The following IRS1 variants were observed in gnomAD, a reference collection of about 807,000 sequenced individuals.
IRS1 encodes insulin receptor substrate 1.
A neutral mutation model predicts 65.6 loss-of-function variants in IRS1; 34 were observed. The observed-to-expected ratio is 0.52, with a 90% CI of 0.39 to 0.69. The LOEUF (loss-of-function observed/expected upper bound fraction) is 0.69. Among genes scored for constraint, IRS1 ranks in the 30% least tolerant of loss-of-function variants. The pLI, the probability that IRS1 is intolerant of heterozygous loss-of-function variation, is 0.00. For synonymous variants in IRS1, 699 were observed against 683.5 expected (o/e 1.02, Z -0.35); for missense variants, 1,641 against 1,720.2 (o/e 0.95, Z 0.81).
chr2:226,786,590 A>G (rs533038847), intron 1 of IRS1, among the ~76,000 whole-genome samples: 4 of 151,634 alleles, frequency 2.6e-5, no homozygotes, highest in Non-Finnish European at 5.9e-5. Context: ...GGCCTATGAG[A>G]AACTGGGGAC....
chr2:226,771,313 C>T (rs1239652698), intron 1 of IRS1, among the ~76,000 whole-genome samples: 3 of 152,070 alleles, frequency 2.0e-5, no homozygotes, highest in African/African-American at 4.8e-5. Flanking sequence ...TGGTATCAGC[C>T]GGCTGTCCGG....
chr2:226,739,154 G>C (rs1194064978), intron 1 of IRS1, among the ~76,000 whole-genome samples: 1 of 152,158 alleles, frequency 6.6e-6, no homozygotes, highest in Non-Finnish European at 1.5e-5. Context: ...CAAGTGCATC[G>C]ACACCTTCCT....
chr2:226,767,903 G>A (rs1939086887), intron 1 of IRS1, among the ~76,000 whole-genome samples: 1 of 152,116 alleles, frequency 6.6e-6, no homozygotes, highest in Non-Finnish European at 1.5e-5. Context: ...TAGTAACATG[G>A]TGAGTGGTCC....
At chr2:226,765,662 G>A in intron 1 of IRS1, among the ~76,000 whole-genome samples, 1 of 152,116 alleles carries the variant, frequency 6.6e-6, no homozygotes, top group Non-Finnish European at 1.5e-5. Context: ...GGAGCAACGA[G>A]AAAACTCCAG....
At chr2:226,766,164 T>TATATATATATATATATATATATATATA (rs1553531258) in intron 1 of IRS1, among the ~76,000 whole-genome samples, 1 of 4,322 alleles carries the variant, frequency 2.3e-4, no homozygotes, top group African/African-American at 6.9e-4. Flanking sequence ...TATATATATA[T>TATATATATATATATATATATATATATA]TTTTTTTTTT....
chr2:226,742,160 C>T (rs966050906), intron 1 of IRS1, among the ~76,000 whole-genome samples: 7 of 152,150 alleles, frequency 4.6e-5, no homozygotes, highest in East Asian at 1.9e-4. Context: ...ATAATCTCCC[C>T]GTTCTTTACA....
intron 1 of IRS1, among the ~76,000 whole-genome samples, chr2:226,773,559 T>A (rs1408629867): frequency 2.6e-5 from 4 of 151,920 alleles, no homozygotes; most frequent in African/African-American, 9.7e-5. Flanking sequence ...TCAATGTCTG[T>A]GTTTTTAAAA....
chr2:226,798,845 G>T lies in IRS1; in HGVS notation c.-107C>A, dbSNP rs930122251. Reference sequence around the variant, plus strand: ...CCCGGCACATGCAAACAGGGCTGGAGGCAGCAGAAACCCCGACTCTGAAAT... The same window carrying T: ...CCCGGCACATGCAAACAGGGCTGGATGCAGCAGAAACCCCGACTCTGAAAT... On this transcript the variant is annotated 5_prime_UTR_variant, in exon 1 of 2. Coordinates refer to ENST00000305123, the MANE Select transcript of IRS1 (RefSeq NM_005544.3). The surrounding 1 kb of genome is among the most constrained non-coding windows in gnomAD (Gnocchi z 9.4). 1 of 1,540,694 alleles carries T rather than the reference G, an allele frequency of 6.5e-7. No individual in the cohort carries two copies. Among genetic ancestry groups the T allele is most frequent in the African/African-American group, 1.4e-5 (1 of 72,824 alleles).
intron 1 of IRS1, among the ~76,000 whole-genome samples, chr2:226,789,218 G>A (rs1939544906): frequency 6.6e-6 from 1 of 152,242 alleles, no homozygotes; most frequent in African/African-American, 2.4e-5. Context: ...ATTATAGTGA[G>A]AGGATTGGAA....
chr2:226,751,866 C>G (rs1442000660), intron 1 of IRS1, among the ~76,000 whole-genome samples: 2 of 152,124 alleles, frequency 1.3e-5, no homozygotes, highest in Non-Finnish European at 2.9e-5. Flanking sequence ...CATGTTTTAC[C>G]AAATAAACCA....
At chr2:226,758,589 A>C (rs1210903432) in intron 1 of IRS1, among the ~76,000 whole-genome samples, 3 of 152,206 alleles carry the variant, frequency 2.0e-5, no homozygotes, top group African/African-American at 7.2e-5. Context: ...ATATAGAAAT[A>C]ATTATAATGA....
At chr2:226,753,845 T>C (rs1286993788) in intron 1 of IRS1, among the ~76,000 whole-genome samples, 1 of 127,066 alleles carries the variant, frequency 7.9e-6, no homozygotes, top group Non-Finnish European at 1.6e-5. Flanking sequence ...TCAGCACTGA[T>C]TGATTGATTG....
intron 1 of IRS1, among the ~76,000 whole-genome samples, chr2:226,786,506 C>A (rs1047539410): frequency 1.3e-5 from 2 of 151,980 alleles, no homozygotes; most frequent in African/African-American, 2.4e-5. Flanking sequence ...ATTTAACCAA[C>A]TTTTTATTAC....
At chr2:226,766,164 T>TATATATATATATA (rs1553531258) in intron 1 of IRS1, among the ~76,000 whole-genome samples, 1 of 4,314 alleles carries the variant, frequency 2.3e-4, no homozygotes, top group Non-Finnish European at 5.0e-4. Flanking sequence ...TATATATATA[T>TATATATATATATA]TTTTTTTTTT....
At position 226,795,865 on chromosome 2, in the gene IRS1, A is replaced by G; in HGVS notation, c.2874T>C (p.Thr958=). The change falls in exon 1 of 2, where the codon ACT becomes ACC. Residue 958 remains threonine, a synonymous_variant. Transcript: ENST00000305123. The part of the protein sequence containing the change: ...PGRRAAWQES[T]GVEMGRLGPA... Reference sequence around the variant, plus strand: ...GGCCCAGTCTGCCCATCTCGACCCCAGTGCTCTCCTGCCAGGCTGCCCTCC... The same window carrying G: ...GGCCCAGTCTGCCCATCTCGACCCCGGTGCTCTCCTGCCAGGCTGCCCTCC... 1 of 1,613,592 alleles carries G rather than the reference A, an allele frequency of 6.2e-7. No homozygotes were observed. Among genetic ancestry groups the G allele is most frequent in the Non-Finnish European group, 8.5e-7 (1 of 1,180,006 alleles).
intron 1 of IRS1, among the ~76,000 whole-genome samples, chr2:226,789,534 C>A (rs1162775139): frequency 2.0e-5 from 3 of 152,184 alleles, no homozygotes. Context: ...GTTGGCTTCT[C>A]AAATTTCCTT....
chr2:226,744,474 C>T (rs1938498839), intron 1 of IRS1, among the ~76,000 whole-genome samples: 1 of 152,172 alleles, frequency 6.6e-6, no homozygotes, highest in Non-Finnish European at 1.5e-5. Context: ...CTACAACATA[C>T]ATCTAAGGCA....
intron 1 of IRS1, among the ~76,000 whole-genome samples, chr2:226,778,758 AG>A (rs1182149316): frequency 6.6e-6 from 1 of 152,204 alleles, no homozygotes; most frequent in Admixed American, 6.5e-5. Context: ...AGTCTTCTCT[AG>A]GGCTTCCCAG....
rs200452784 is a variant in IRS1, at chr2:226,776,680, G to GCAGATCA, written c.*21+18302_*21+18308dup. Among the ~76,000 whole-genome samples the GCAGATCA allele has an allele frequency of 7.3e-3, 1,115 of 152,286 alleles. 13 individuals carry two copies. The highest frequency in any genetic ancestry group is 0.026 in the African/African-American group (1,071 of 41,562). ...CCAGCATTTTGGGAGGCCAAGGTGG[G>GCAGATCA]CAGATCACTTGAGGTCAGGAGTTCA... On this transcript the variant is annotated intron_variant, in intron 1 of 1. Coordinates refer to ENST00000305123, the MANE Select transcript of IRS1 (RefSeq NM_005544.3).
Sources: gnomAD v4.1 joint callset for allele counts (sites outside exome capture counted in the v4.1 genomes callset) on GRCh38, gnomAD v4.1.1 for gene constraint, Gnocchi (gnomAD v3.1) non-coding constraint, MANE v1.5 for transcripts, NCBI Gene and HGNC (gene_info 2026-07-23, HGNC 2026-07-21) for gene names.